The following BTRC variants were observed in gnomAD, a reference collection of about 807,000 sequenced individuals.
BTRC encodes the protein beta-transducin repeat containing E3 ubiquitin protein ligase, also known as F-box/WD repeat-containing protein 1A.
In BTRC, 42 loss-of-function variants were observed where a neutral mutation model predicts 85.5. The observed-to-expected ratio is 0.49, with a 90% confidence interval of 0.38 to 0.64. The LOEUF (loss-of-function observed/expected upper bound fraction) is 0.64, where lower values mean the gene tolerates loss of function less well. Among genes scored for constraint, BTRC ranks in the 30% least tolerant of loss-of-function variants. The pLI is 0.00. For missense variants in BTRC, 594 were observed against 743.5 expected, an observed-to-expected ratio of 0.80 and a Z score of 2.34; for synonymous variants, 255 against 263.3, an observed-to-expected ratio of 0.97 and a Z score of 0.30.
At chr10:101,532,511 T>A in intron 8 of BTRC, 79 bp downstream of exon 8, 1 of 1,430,360 alleles carries the variant, frequency 7.0e-7, no homozygotes, top group Non-Finnish European at 9.2e-7. Flanking sequence ...AAGCATAAAC[T>A]CTAAGCATTA....
At chr10:101,390,578 C>T (rs1473601740) in intron 1 of BTRC, among the ~76,000 whole-genome samples, 1 of 151,878 alleles carries the variant, frequency 6.6e-6, no homozygotes, top group African/African-American at 2.4e-5. Context: ...GTGATCCTCC[C>T]GCCTCGGTCT....
chr10:101,473,800 G>A (rs532977318), intron 3 of BTRC, among the ~76,000 whole-genome samples: 65 of 151,944 alleles, frequency 4.3e-4, no homozygotes, highest in South Asian at 8.3e-4. Flanking sequence ...ATCTCACTAC[G>A]TTGCCCAGGC....
intron 13 of BTRC, among the ~76,000 whole-genome samples, chr10:101,541,737 T>A (rs551453041): frequency 1.9e-4 from 29 of 152,160 alleles, no homozygotes; most frequent in African/African-American, 6.0e-4. Context: ...TTACATTGAA[T>A]TTTTTTTAGC....
At chr10:101,416,054 C>A (rs910821047) in intron 1 of BTRC, among the ~76,000 whole-genome samples, 1 of 152,116 alleles carries the variant, frequency 6.6e-6, no homozygotes, top group South Asian at 2.1e-4. Context: ...CGAGAAATCA[C>A]CTAGTGATGC....
intron 1 of BTRC, among the ~76,000 whole-genome samples, chr10:101,355,238 T>C (rs977894384): frequency 2.6e-5 from 4 of 152,064 alleles, no homozygotes; most frequent in African/African-American, 7.2e-5. Flanking sequence ...TTGAGAAATT[T>C]AGGAGATAAA....
At chr10:101,487,894 C>A (rs1236711662) in intron 4 of BTRC, among the ~76,000 whole-genome samples, 2 of 152,162 alleles carry the variant, frequency 1.3e-5, no homozygotes, top group Non-Finnish European at 2.9e-5. Context: ...TTGCTGTGTA[C>A]AGGCATTATC....
chr10:101,491,883 G>A (rs1946143193), intron 4 of BTRC, among the ~76,000 whole-genome samples: 3 of 152,250 alleles, frequency 2.0e-5, no homozygotes, highest in African/African-American at 7.2e-5. Context: ...TGAGTGATTA[G>A]AAGAAATAGG....
At chr10:101,531,462 C>A (rs1589604833) in intron 7 of BTRC, 129 bp downstream of exon 7, 2 of 668,498 alleles carry the variant, frequency 3.0e-6, no homozygotes, top group African/African-American at 1.9e-5. Flanking sequence ...TCTTAGCTGG[C>A]CATGGTGGCT....
chr10:101,405,345 C>T (rs1353702797), intron 1 of BTRC, among the ~76,000 whole-genome samples: 4 of 152,058 alleles, frequency 2.6e-5, no homozygotes, highest in Admixed American at 6.5e-5. Flanking sequence ...AGAGTTTTAG[C>T]CTTCTTTGGG....
chr10:101,390,537 T>A (rs1168635916), intron 1 of BTRC, among the ~76,000 whole-genome samples: 2 of 152,058 alleles, frequency 1.3e-5, no homozygotes, highest in East Asian at 3.9e-4. Flanking sequence ...TTTCACCATG[T>A]TAGCCAGGAT....
At chr10:101,366,994 T>A (rs1328675130) in intron 1 of BTRC, among the ~76,000 whole-genome samples, 4 of 51,668 alleles carry the variant, frequency 7.7e-5, no homozygotes, top group South Asian at 4.2e-4. Flanking sequence ...TTATATATAT[T>A]AATATATATA....
chr10:101,427,594 C>T (rs1944293653), intron 1 of BTRC, among the ~76,000 whole-genome samples: 1 of 151,240 alleles, frequency 6.6e-6, no homozygotes, highest in African/African-American at 2.4e-5. Context: ...GTGGCATGAT[C>T]ACCGCTCATT....
chr10:101,498,458 G>A (rs7896045), intron 4 of BTRC, among the ~76,000 whole-genome samples: 89,535 of 151,816 alleles, frequency 0.59, 26,995 homozygotes, highest in East Asian at 0.85. Context: ...CCCGGCCTCC[G>A]AAGCTGCTGT....
chr10:101,404,375 G>A (rs909802718), intron 1 of BTRC, among the ~76,000 whole-genome samples: 20 of 151,910 alleles, frequency 1.3e-4, no homozygotes, highest in Middle Eastern at 3.2e-3. Context: ...TAATTTCACC[G>A]TCTGTGCCAT....
intron 4 of BTRC, among the ~76,000 whole-genome samples, chr10:101,499,123 T>G (rs183689626): frequency 2.6e-5 from 4 of 152,184 alleles, no homozygotes; most frequent in Non-Finnish European, 5.9e-5. Flanking sequence ...TAGGTGGTAT[T>G]AGTTTTGTTT....
In BTRC at chr10:101,557,081, T is replaced by TG. The variant is rs1269790734; in HGVS notation, c.*3961dup. ...AGGGATGGCCAGTGCACTCCAATGA[T>TG]GGGACAGGCCTAACAACACATGTAA... On this transcript the variant is annotated 3_prime_UTR_variant, in exon 15 of 15. Transcript: ENST00000370187. 1.3e-5 allele frequency: 2 copies of TG among 152,334 alleles called. No homozygotes were observed. The highest frequency in any genetic ancestry group is 2.4e-5 in the African/African-American group (1 of 41,568). 9.4% of individuals were successfully genotyped at this position (152,334 alleles called of 1,614,324 possible). A position where few individuals can be genotyped will look rare whatever the true frequency, so the allele number is the denominator to read the frequency against.
chr10:101,355,074 CA>C (rs1274657043), intron 1 of BTRC, among the ~76,000 whole-genome samples: 1 of 151,940 alleles, frequency 6.6e-6, no homozygotes, highest in Non-Finnish European at 1.5e-5. Flanking sequence ...GAGATTGGGG[CA>C]AAATGAGTAT....
rs183373472 is a variant in BTRC, at chr10:101,479,790, G to A, written c.324+333G>A. 1.1e-4 allele frequency among the ~76,000 whole-genome samples: 16 copies of A among 152,274 alleles called. No homozygotes were observed. In the East Asian group the frequency reaches 2.7e-3, roughly 26 times the overall value. On this transcript the variant is annotated intron_variant, in intron 4 of 14. Coordinates refer to ENST00000370187, the MANE Select transcript of BTRC (RefSeq NM_033637.4). The stretch of plus-strand genomic sequence containing the variant: ...GTTTATGGTTTTTAAATACAGTTAC[G>A]TATAGAGTACATCACATCATTGCAA...
intron 1 of BTRC, among the ~76,000 whole-genome samples, chr10:101,386,189 A>G (rs1431046028): frequency 1.3e-5 from 2 of 152,160 alleles, no homozygotes; most frequent in African/African-American, 4.8e-5. Flanking sequence ...TTATTATTCT[A>G]CTGATATTTC....
Sources: gnomAD v4.1 joint callset for allele counts (sites outside exome capture counted in the v4.1 genomes callset) on GRCh38, gnomAD v4.1.1 for gene constraint, MANE v1.5 for transcripts, NCBI Gene and HGNC (gene_info 2026-07-23, HGNC 2026-07-21) for gene names.